Variants in PRKAR1B observed in about 807,000 individuals in gnomAD.
The protein encoded by PRKAR1B is cAMP-dependent protein kinase type I-beta regulatory subunit.
PRKAR1B carries 22 observed loss-of-function variants against 46.5 expected under a neutral mutation model. That is an observed-to-expected ratio of 0.47 (90% confidence interval 0.34 to 0.68). The LOEUF is 0.68. Among genes scored for constraint, PRKAR1B ranks in the 30% least tolerant of loss-of-function variants. The pLI, the probability that PRKAR1B is intolerant of heterozygous loss-of-function variation, is 0.01. For missense variants in PRKAR1B, 445 were observed against 535.6 expected, an observed-to-expected ratio of 0.83 and a Z score of 1.67; for synonymous variants, 259 against 217.7, an observed-to-expected ratio of 1.19 and a Z score of -1.67.
At chr7:662,595 C>A in intron 4 of PRKAR1B, among the ~76,000 whole-genome samples, 1 of 144,540 alleles carries the variant, frequency 6.9e-6, no homozygotes, top group Admixed American at 6.9e-5. Flanking sequence ...CCCCCCATAG[C>A]ACAAGTCCCC....
At chr7:612,674 C>T (rs542064455) in intron 4 of PRKAR1B, among the ~76,000 whole-genome samples, 2 of 152,310 alleles carry the variant, frequency 1.3e-5, no homozygotes, top group South Asian at 4.1e-4. Flanking sequence ...GGCACTGCCT[C>T]TTTAAGGGCA....
intron 4 of PRKAR1B, among the ~76,000 whole-genome samples, chr7:639,415 T>G (rs11562105): frequency 0.16 from 24,119 of 152,210 alleles, 2,142 homozygotes; most frequent in South Asian, 0.3. Context: ...TACTCACTCC[T>G]CACACAGAAA....
intron 2 of PRKAR1B, among the ~76,000 whole-genome samples, chr7:705,724 T>C (rs540577778): frequency 1.6e-4 from 24 of 152,228 alleles, no homozygotes; most frequent in African/African-American, 5.3e-4. Flanking sequence ...CAGGACCTGT[T>C]GATGCAGAAA....
Position 676,858 on chromosome 7 carries a change from G to A in PRKAR1B, c.440+371C>T, listed in dbSNP as rs540562334. 2.6e-4 allele frequency among the ~76,000 whole-genome samples: 39 copies of A among 150,096 alleles called. No individual in the cohort carries two copies. The East Asian group carries it at 7.0e-3, about 27-fold the overall frequency. On this transcript the variant is annotated intron_variant, in intron 4 of 10. Coordinates refer to ENST00000537384, the MANE Select transcript of PRKAR1B (RefSeq NM_001164760.2). ...GGCAAGGAGGGTGGTGGTGATTCCC[G>A]GGCAAGCAACGGGGCCTGCCCACCT...
At chr7:656,195 TG>T (rs1285661878) in intron 4 of PRKAR1B, among the ~76,000 whole-genome samples, 29 of 152,162 alleles carry the variant, frequency 1.9e-4, no homozygotes, top group African/African-American at 7.0e-4. Context: ...AATGAATGAA[TG>T]GAAAAATGAA....
intron 4 of PRKAR1B, among the ~76,000 whole-genome samples, chr7:662,666 T>C (rs1785675109): frequency 7.2e-6 from 1 of 138,846 alleles, no homozygotes; most frequent in African/African-American, 2.8e-5. Flanking sequence ...CTCCAACAGA[T>C]CCAAATACCT....
intron 4 of PRKAR1B, among the ~76,000 whole-genome samples, chr7:638,939 G>A (rs905644435): frequency 6.9e-6 from 1 of 143,998 alleles, no homozygotes; most frequent in African/African-American, 2.6e-5. Context: ...TTATCCAGAT[G>A]TGGTGGTGGG....
rs540028270 is a variant in PRKAR1B at position 587,639 on chromosome 7, A to T, written c.709-3071T>A. Reference sequence around the variant, plus strand: ...ATGGGAAAATGAGGGACCACCACACAGCCCCTTCCACAGTTGGGGGTGGGA... The same window carrying T: ...ATGGGAAAATGAGGGACCACCACACTGCCCCTTCCACAGTTGGGGGTGGGA... On this transcript the variant is annotated intron_variant, in intron 7 of 10. Coordinates refer to ENST00000537384, the MANE Select transcript of PRKAR1B (RefSeq NM_001164760.2). Among the ~76,000 whole-genome samples the T allele has an allele frequency of 1.2e-4, 18 of 152,380 alleles. No homozygotes were observed. In the South Asian group the frequency reaches 3.1e-3, roughly 26 times the overall value.
intron 6 of PRKAR1B, 86 bp downstream of exon 6, chr7:606,107 G>T: frequency 1.5e-6 from 2 of 1,328,516 alleles, no homozygotes; most frequent in South Asian, 1.2e-5. Flanking sequence ...GTGTTTGTTG[G>T]GGGCCTGGTG....
At chr7:554,754 A>G (rs1415388757) in intron 9 of PRKAR1B, among the ~76,000 whole-genome samples, 1 of 150,950 alleles carries the variant, frequency 6.6e-6, no homozygotes, top group Non-Finnish European at 1.5e-5. Context: ...CGGATCCCAC[A>G]GAGCCGGAAG....
chr7:659,561 A>G (rs560944307), intron 4 of PRKAR1B, among the ~76,000 whole-genome samples: 1 of 152,244 alleles, frequency 6.6e-6, no homozygotes, highest in Non-Finnish European at 1.5e-5. Flanking sequence ...GAGAGGAGAA[A>G]CAACAACACT....
At chr7:576,796 C>T (rs1039507931) in intron 9 of PRKAR1B, among the ~76,000 whole-genome samples, 5 of 151,962 alleles carry the variant, frequency 3.3e-5, no homozygotes, top group South Asian at 2.1e-4. Flanking sequence ...GAATGAGGGG[C>T]GGGAGAGGCC....
chr7:584,422 C>T (rs1018391861), intron 8 of PRKAR1B, 86 bp downstream of exon 8: 1 of 1,179,454 alleles, frequency 8.5e-7, no homozygotes, highest in Non-Finnish European at 1.3e-6. Context: ...AACTGCCAGC[C>T]ACGCAGGGAA....
intron 6 of PRKAR1B, among the ~76,000 whole-genome samples, chr7:605,426 C>T (rs1450839283): frequency 1.2e-4 from 19 of 152,240 alleles, no homozygotes; most frequent in Admixed American, 1.1e-3. Context: ...CACCCAGGCT[C>T]TAAACCGGAC....
chr7:601,068 C>T (rs1371163826), intron 6 of PRKAR1B, among the ~76,000 whole-genome samples: 3 of 152,188 alleles, frequency 2.0e-5, no homozygotes, highest in Admixed American at 6.5e-5. Flanking sequence ...AAGTGGGTGA[C>T]GTCCACCTCC....
chr7:636,851 T>A (rs1784138291), intron 4 of PRKAR1B, among the ~76,000 whole-genome samples: 1 of 152,066 alleles, frequency 6.6e-6, no homozygotes, highest in Admixed American at 6.6e-5. Flanking sequence ...CAAGAGCAGC[T>A]CCCAGGTGTC....
intron 6 of PRKAR1B, among the ~76,000 whole-genome samples, chr7:596,966 GCCC>G (rs1420137710): frequency 6.6e-6 from 1 of 152,290 alleles, no homozygotes; most frequent in Non-Finnish European, 1.5e-5. Flanking sequence ...CTGGGAAGGA[GCCC>G]AGACAAGATT....
At chr7:633,376 G>A (rs967819341) in intron 4 of PRKAR1B, among the ~76,000 whole-genome samples, 3 of 152,176 alleles carry the variant, frequency 2.0e-5, no homozygotes, top group Non-Finnish European at 2.9e-5. Flanking sequence ...CACAGGAGAC[G>A]GGACCCAGGA....
intron 2 of PRKAR1B, among the ~76,000 whole-genome samples, chr7:706,234 G>A (rs1780315969): frequency 1.3e-5 from 2 of 152,076 alleles, no homozygotes; most frequent in South Asian, 4.1e-4. Flanking sequence ...GCTGAGGTGG[G>A]AAGATGGCTT....
Sources: gnomAD v4.1 joint callset for allele counts (sites outside exome capture counted in the v4.1 genomes callset) on GRCh38, gnomAD v4.1.1 for gene constraint, MANE v1.5 for transcripts, NCBI Gene and HGNC (gene_info 2026-07-23, HGNC 2026-07-21) for gene names.